CUL1: variants seen among roughly 807,000 people sequenced by gnomAD.
CUL1 encodes cullin 1.
A neutral mutation model predicts 118.0 loss-of-function variants in CUL1; 24 were observed. That is an observed-to-expected ratio of 0.20 (90% confidence interval 0.15 to 0.29). CUL1 has a LOEUF of 0.29. Ranked by LOEUF, CUL1 falls within the 10% of genes least tolerant of loss-of-function variation. CUL1 has a pLI of 1.00. For synonymous variants in CUL1, 332 were observed against 340.4 expected (o/e 0.98, Z 0.27); for missense variants, 361 against 933.8 (o/e 0.39, Z 7.99).
At chr7:148,770,380 T>C (rs1800168839) in intron 9 of CUL1, among the ~76,000 whole-genome samples, 2 of 152,210 alleles carry the variant, frequency 1.3e-5, no homozygotes, top group Admixed American at 6.5e-5. Context: ...CTCACAAAAG[T>C]CAAATATTAG....
Position 148,784,069 on chromosome 7 carries a change from G to A in CUL1, c.1290G>A (p.Leu430=). The A allele has an allele frequency of 6.2e-7, 1 of 1,612,690 alleles. No homozygotes were observed. The highest frequency in any genetic ancestry group is 8.5e-7 in the Non-Finnish European group (1 of 1,178,708). Residue 430 remains leucine (L), a synonymous_variant, in exon 11 of 22, where the codon TTG becomes TTA. Transcript: ENST00000325222. ...ELLARYCDSL[L]KKSSKNPEEA... is the part of the protein sequence containing the mutation. ...TGGCTCGATACTGTGACTCCTTGTT[G>A]AAGAAAAGGTATTAAATGACCCTAT...
At chr7:148,708,460 C>A (rs979676655) in intron 1 of CUL1, among the ~76,000 whole-genome samples, 9 of 152,250 alleles carry the variant, frequency 5.9e-5, no homozygotes, top group Non-Finnish European at 1.0e-4. Context: ...GCCCCGCTGT[C>A]ACCAGCTTCA....
At chr7:148,707,661 C>A (rs925148814) in intron 1 of CUL1, among the ~76,000 whole-genome samples, 1 of 151,760 alleles carries the variant, frequency 6.6e-6, no homozygotes, top group Non-Finnish European at 1.5e-5. Flanking sequence ...CCCTGACAGG[C>A]CCCAGTGAGT....
chr7:148,797,094 C>T (rs1801226391), intron 17 of CUL1, among the ~76,000 whole-genome samples: 1 of 152,120 alleles, frequency 6.6e-6, no homozygotes, highest in African/African-American at 2.4e-5. Context: ...ACCCACCATT[C>T]ACAGATGAGA....
chr7:148,755,998 T>C (rs1799643245), intron 3 of CUL1, among the ~76,000 whole-genome samples: 2 of 152,186 alleles, frequency 1.3e-5, no homozygotes, highest in African/African-American at 4.8e-5. Flanking sequence ...TGCACACACC[T>C]AAATGGCAGT....
intron 2 of CUL1, among the ~76,000 whole-genome samples, chr7:148,740,770 TAAG>T (rs1414765302): frequency 6.6e-6 from 1 of 152,042 alleles, no homozygotes; most frequent in African/African-American, 2.4e-5. Context: ...GGTGTCCTTA[TAAG>T]AAGAGGAAGA....
At position 148,790,346 on chromosome 7, in the gene CUL1, G is replaced by T. The variant is rs982169904; in HGVS notation, c.1711G>T (p.Ala571Ser). The change falls in exon 16 of 22, where the codon GCC (alanine) becomes TCC (serine). Residue 571 changes from alanine (A) to serine (S), a missense_variant. This residue lies in a region of CUL1 where 84 missense variants were observed against 203.3 expected (regional missense o/e 0.41). Transcript: ENST00000325222. ...RSYQRFTAFY[A>S]SRHSGRKLTW... ...TTATCAGCGATTCACAGCTTTCTAC[G>T]CCAGCCGCCACAGTGGCCGAAAATT... 2 of 1,613,900 alleles carry T rather than the reference G, an allele frequency of 1.2e-6. No homozygotes were observed. Among genetic ancestry groups the T allele is most frequent in the African/African-American group, 2.7e-5 (2 of 74,898 alleles).
intron 9 of CUL1, among the ~76,000 whole-genome samples, chr7:148,768,628 G>C (rs7806899): frequency 6.6e-5 from 10 of 151,822 alleles, no homozygotes; most frequent in African/African-American, 2.4e-4. Flanking sequence ...CAGGTGATTC[G>C]CCCGCCTTGG....
At chr7:148,781,155 C>CACT (rs1800618369) in intron 9 of CUL1, among the ~76,000 whole-genome samples, 1 of 136,222 alleles carries the variant, frequency 7.3e-6, no homozygotes, top group African/African-American at 2.8e-5. Flanking sequence ...GATCTCGGCT[C>CACT]ACTGCATCCT....
intron 1 of CUL1, among the ~76,000 whole-genome samples, chr7:148,704,563 G>A (rs114894144): frequency 0.014 from 2,188 of 151,830 alleles, 48 homozygotes; most frequent in African/African-American, 0.05. Flanking sequence ...ATTTGTTTTC[G>A]TTTTTTTGCT....
chr7:148,756,284 A>G (rs1799653617), intron 3 of CUL1, among the ~76,000 whole-genome samples: 2 of 152,202 alleles, frequency 1.3e-5, no homozygotes, highest in South Asian at 4.1e-4. Flanking sequence ...GTAAAAATTG[A>G]ATAGTATTAG....
chr7:148,790,330 A>T lies in CUL1; in HGVS notation c.1695A>T (p.Arg565=). The part of the protein sequence containing the change: ...LPSELERSYQ[R]FTAFYASRHS... ...TCTAGTTGGAACGTAGTTATCAGCG[A>T]TTCACAGCTTTCTACGCCAGCCGCC... is the stretch of plus-strand genomic sequence containing the variant. Residue 565 remains arginine, a synonymous_variant, in exon 16 of 22, where the codon CGA becomes CGT. Coordinates refer to ENST00000325222, the MANE Select transcript of CUL1 (RefSeq NM_003592.3). 6.2e-7 allele frequency: 1 copy of T among 1,614,178 alleles called. No homozygotes were observed. Among genetic ancestry groups the T allele is most frequent in the African/African-American group, 1.3e-5 (1 of 75,046 alleles).
At chr7:148,730,978 AT>A (rs998179377) in intron 2 of CUL1, among the ~76,000 whole-genome samples, 2 of 149,466 alleles carry the variant, frequency 1.3e-5, no homozygotes, top group Non-Finnish European at 1.5e-5. Context: ...CACCTGGCCA[AT>A]TTTTTTTTTA....
intron 16 of CUL1, among the ~76,000 whole-genome samples, chr7:148,791,686 C>T (rs969368342): frequency 1.3e-5 from 2 of 152,218 alleles, no homozygotes; most frequent in African/African-American, 4.8e-5. Context: ...TGTGGGCCGC[C>T]CTGAAACAGG....
intron 2 of CUL1, among the ~76,000 whole-genome samples, chr7:148,733,883 C>T (rs538223813): frequency 6.6e-6 from 1 of 152,224 alleles, no homozygotes; most frequent in East Asian, 1.9e-4. Flanking sequence ...GCAACTACTT[C>T]TTGCTGTAAA....
At chr7:148,714,303 G>A (rs916357313) in intron 1 of CUL1, among the ~76,000 whole-genome samples, 1 of 152,080 alleles carries the variant, frequency 6.6e-6, no homozygotes, top group African/African-American at 2.4e-5. Context: ...ACATTTTTTT[G>A]TGGTAAGAAC....
intron 2 of CUL1, among the ~76,000 whole-genome samples, chr7:148,738,988 G>A (rs1027123811): frequency 6.6e-6 from 1 of 152,188 alleles, no homozygotes; most frequent in Non-Finnish European, 1.5e-5. Flanking sequence ...AGCAGCAGGA[G>A]CCCAGGCATA....
At chr7:148,765,413 T>G (rs1288181832) in intron 7 of CUL1, among the ~76,000 whole-genome samples, 1 of 152,128 alleles carries the variant, frequency 6.6e-6, no homozygotes, top group Non-Finnish European at 1.5e-5. Flanking sequence ...GAGAATTGCT[T>G]GAAGCCAGGA....
At position 148,729,046 on chromosome 7, in the gene CUL1, A is replaced by G. The variant is rs959767757; in HGVS notation, c.-161-916A>G. 8.5e-5 allele frequency among the ~76,000 whole-genome samples: 13 copies of G among 152,384 alleles called. No individual in the cohort carries two copies. The East Asian group carries it at 2.3e-3, about 27-fold the overall frequency. On this transcript the variant is annotated intron_variant, in intron 1 of 21. Transcript: ENST00000325222. ...AAACCTTTACGTTTTGATGTGACGT[A>G]CATAGGTAGTCCTTAAATTATGTCT...
Sources: gnomAD v4.1 joint callset for allele counts (sites outside exome capture counted in the v4.1 genomes callset) on GRCh38, gnomAD v4.1.1 for gene constraint, gnomAD v4.1.1 regional missense constraint, MANE v1.5 for transcripts, NCBI Gene and HGNC (gene_info 2026-07-23, HGNC 2026-07-21) for gene names.